Variants in RASEF observed in about 807,000 individuals in gnomAD.
RASEF encodes RAS and EF-hand domain containing.
In RASEF, 68 loss-of-function variants were observed where a neutral mutation model predicts 90.1. That is an observed-to-expected ratio of 0.75 (90% CI 0.62 to 0.92). RASEF has a LOEUF of 0.92. Among genes scored for constraint, RASEF ranks in the 40% least tolerant of loss-of-function variants. The probability of loss-of-function intolerance (pLI) is 0.00; values close to 1 mark genes in which losing one functional copy is unlikely to be tolerated. For synonymous variants in RASEF, 331 were observed against 345.2 expected, an observed-to-expected ratio of 0.96 and a Z score of 0.46; for missense variants, 949 against 937.2, an observed-to-expected ratio of 1.01 and a Z score of -0.16.
chr9:83,151,536 T>C, the RASEF span, among the ~76,000 whole-genome samples: 1 of 152,200 alleles, frequency 6.6e-6, no homozygotes, highest in Non-Finnish European at 1.5e-5. Flanking sequence ...GTTCTAAATC[T>C]TAATGAACTC....
At chr9:83,012,290 C>T (rs907773522) in intron 5 of RASEF, 144 bp downstream of exon 5, 1 of 489,946 alleles carries the variant, frequency 2.0e-6, no homozygotes, top group African/African-American at 2.0e-5. Flanking sequence ...TAAATAGTAT[C>T]TTTGATCAAA....
In RASEF at chr9:82,982,752, G is replaced by A. The variant is rs781384831; in HGVS notation, c.2148C>T (p.Asp716=). The change falls in exon 17 of 17, where the codon GAC becomes GAT. Residue 716 remains aspartate, a synonymous_variant. Coordinates refer to ENST00000376447, the MANE Select transcript of RASEF (RefSeq NM_152573.4). ...REVKKRTDKD[D]SRSITNLTGT... ...CGGTTAGATTGGTAATGGATCTGCT[G>A]TCATCCTTGTCAGTTCTCTTTTTCA... 6.2e-7 allele frequency: 1 copy of A among 1,604,892 alleles called. No individual in the cohort carries two copies. The highest frequency in any genetic ancestry group is 1.1e-5 in the South Asian group (1 of 90,898).
Position 83,004,386 on chromosome 9 carries a change from T to C in RASEF, c.1202+112A>G, listed in dbSNP as rs1218344645. 2.6e-5 allele frequency: 16 copies of C among 613,088 alleles called. No individual in the cohort carries two copies. The East Asian group carries it at 4.0e-4, about 15-fold the overall frequency. The allele number at this position is 613,088 out of a possible 1,614,324, so 38.0% of individuals were successfully genotyped here. On this transcript the variant is annotated intron_variant, in intron 9 of 16. Transcript: ENST00000376447. ...AGAACTTTTAACATCATAGAAAATA[T>C]AAATTAGTGACCAAAGTATATTCTA...
At chr9:83,048,830 A>G (rs1829981359) in intron 1 of RASEF, 2 of 891,590 alleles carry the variant, frequency 2.2e-6, no homozygotes, top group African/African-American at 3.6e-5. Flanking sequence ...TGTAGACCTT[A>G]TTAAAGACTC....
intron 4 of RASEF, among the ~76,000 whole-genome samples, chr9:83,013,412 A>G (rs1829283821): frequency 6.6e-6 from 1 of 152,212 alleles, no homozygotes; most frequent in African/African-American, 2.4e-5. Flanking sequence ...TAACAACGTC[A>G]TGACTGCCAC....
rs745459999 is a variant in RASEF at position 83,004,488 on chromosome 9, G to T, written c.1202+10C>A. On this transcript the variant is annotated intron_variant, in intron 9 of 16. Coordinates refer to ENST00000376447, the MANE Select transcript of RASEF (RefSeq NM_152573.4). The stretch of plus-strand genomic sequence containing the variant: ...GAACTTGAACAGAAAGTTAAGACGA[G>T]TTAACATACCTGTCATAGCCTAGAG... 2.6e-6 allele frequency: 4 copies of T among 1,546,146 alleles called. No individual in the cohort carries two copies. The highest frequency in any genetic ancestry group is 2.7e-6 in the Non-Finnish European group (3 of 1,118,598).
intron 1 of RASEF, among the ~76,000 whole-genome samples, chr9:83,038,565 A>C (rs1228290836): frequency 6.6e-6 from 1 of 152,196 alleles, no homozygotes; most frequent in African/African-American, 2.4e-5. Context: ...ATATAGAATT[A>C]ACATTAAAAT....
chr9:82,991,368 G>A (rs979291703), intron 15 of RASEF, among the ~76,000 whole-genome samples: 3 of 152,110 alleles, frequency 2.0e-5, no homozygotes, highest in Non-Finnish European at 2.9e-5. Flanking sequence ...AGCACTCTGC[G>A]ATCCTCATGC....
intron 16 of RASEF, among the ~76,000 whole-genome samples, chr9:82,985,270 C>T (rs1397747578): frequency 6.6e-6 from 1 of 152,162 alleles, no homozygotes; most frequent in Non-Finnish European, 1.5e-5. Flanking sequence ...AGGCAAAAGA[C>T]ACTTCTTACA....
At chr9:83,164,347 G>GGGTGTATATATATATA in the RASEF span, among the ~76,000 whole-genome samples, 1 of 129,988 alleles carries the variant, frequency 7.7e-6, no homozygotes, top group Non-Finnish European at 1.6e-5. Context: ...GTATATGTGT[G>GGGTGTATATATATATA]TATATATATA....
chr9:83,106,713 C>A, the RASEF span, among the ~76,000 whole-genome samples: 1 of 152,114 alleles, frequency 6.6e-6, no homozygotes, highest in South Asian at 2.1e-4. Flanking sequence ...ACATTTAGAC[C>A]CTGTCTCCTT....
chr9:83,115,780 T>C, the RASEF span, among the ~76,000 whole-genome samples: 1 of 152,026 alleles, frequency 6.6e-6, no homozygotes, highest in Non-Finnish European at 1.5e-5. Context: ...CTTTAAAATA[T>C]TGGAAATAAC....
At chr9:83,064,195 G>A (rs2117939451), upstream of RASEF, among the ~76,000 whole-genome samples, 2 of 152,246 alleles carry the variant, frequency 1.3e-5, no homozygotes, top group Middle Eastern at 6.8e-3. Flanking sequence ...AAACATCTGG[G>A]GAACTATTTC....
chr9:83,025,905 T>A lies in RASEF; in HGVS notation c.448A>T (p.Thr150Ser), dbSNP rs1829539257. 6.2e-7 allele frequency: 1 copy of A among 1,604,488 alleles called. No homozygotes were observed. Among genetic ancestry groups the A allele is most frequent in the Admixed American group, 1.7e-5 (1 of 58,158 alleles). Residue 150 changes from threonine (T) to serine (S), a missense_variant, in exon 2 of 17, where the codon ACC (threonine) becomes TCC (serine). Transcript: ENST00000376447. ...ACAAGGTTGATGTTTTGGTACAAGG[T>A]ACTAACTTGCTCTTCTCTGCCAAAT... ...KFIPREEQVSTLYQNINLVEP... is the reference protein window; with the variant it reads ...KFIPREEQVSSLYQNINLVEP...
the RASEF span, among the ~76,000 whole-genome samples, chr9:83,197,904 G>T: frequency 2.0e-5 from 3 of 152,192 alleles, no homozygotes; most frequent in Non-Finnish European, 4.4e-5. Context: ...GTCTTGAAAT[G>T]CTTTGATATC....
chr9:83,121,828 G>A, the RASEF span, among the ~76,000 whole-genome samples: 152 of 104,194 alleles, frequency 1.5e-3, no homozygotes, highest in African/African-American at 5.8e-3. Context: ...CTAATGCAGA[G>A]AGCAATGACT....
chr9:83,111,060 T>C, the RASEF span, among the ~76,000 whole-genome samples: 1 of 152,130 alleles, frequency 6.6e-6, no homozygotes, highest in African/African-American at 2.4e-5. Flanking sequence ...AAGATAAGAA[T>C]GCACAATGTC....
At chr9:83,172,438 A>G in the RASEF span, among the ~76,000 whole-genome samples, 3 of 151,322 alleles carry the variant, frequency 2.0e-5, no homozygotes, top group Admixed American at 2.0e-4. Flanking sequence ...GTTGTTTTGT[A>G]TGTCTTCTCT....
chr9:82,993,387 T>G lies in RASEF; in HGVS notation c.1921-362A>C, dbSNP rs1033088315. Among the ~76,000 whole-genome samples the G allele has an allele frequency of 3.9e-5, 6 of 152,190 alleles. No individual in the cohort carries two copies. In the East Asian group the frequency reaches 1.2e-3, roughly 29 times the overall value. ...AAGGAAACACATATCTGTTAATTTC[T>G]TATCTCCAGCACACAGAGCACTACA... On this transcript the variant is annotated intron_variant, in intron 14 of 16. Transcript: ENST00000376447.
Sources: gnomAD v4.1 joint callset for allele counts (sites outside exome capture counted in the v4.1 genomes callset) on GRCh38, gnomAD v4.1.1 for gene constraint, MANE v1.5 for transcripts, NCBI Gene and HGNC (gene_info 2026-07-23, HGNC 2026-07-21) for gene names.